Variants in NRXN1 observed in about 807,000 individuals in gnomAD.
NRXN1 encodes neurexin 1, also known as neurexin-1.
In NRXN1, 39 loss-of-function variants were observed where a neutral mutation model predicts 150.9. The ratio of observed to expected loss-of-function variants is 0.26; its 90% CI spans 0.20 to 0.34. NRXN1 has a LOEUF of 0.34. Among genes scored for constraint, NRXN1 ranks in the 10% least tolerant of loss-of-function variants. The pLI, the probability that NRXN1 is intolerant of heterozygous loss-of-function variation, is 1.00. For missense variants in NRXN1, 1,815 were observed against 1,949.9 expected, an observed-to-expected ratio of 0.93 and a Z score of 1.30; for synonymous variants, 924 against 757.0, an observed-to-expected ratio of 1.22 and a Z score of -3.62.
chr2:50,117,145 A>C (rs1437987270), intron 18 of NRXN1, among the ~76,000 whole-genome samples: 1 of 152,176 alleles, frequency 6.6e-6, no homozygotes, highest in African/African-American at 2.4e-5. Context: ...TTTAGACAAG[A>C]AAATCAGAAC....
At chr2:50,238,773 C>T (rs979223672) in intron 17 of NRXN1, among the ~76,000 whole-genome samples, 1 of 151,904 alleles carries the variant, frequency 6.6e-6, no homozygotes, top group African/African-American at 2.4e-5. Flanking sequence ...TTCCAAAGAC[C>T]TCTGCAATAT....
chr2:50,040,818 TATC>T (rs1307957360), intron 21 of NRXN1, among the ~76,000 whole-genome samples: 3 of 152,178 alleles, frequency 2.0e-5, no homozygotes, highest in Admixed American at 2.0e-4. Context: ...CAATTTGAGT[TATC>T]ATCCATTTAA....
chr2:50,301,997 C>A (rs2074194398), intron 17 of NRXN1, among the ~76,000 whole-genome samples: 1 of 151,936 alleles, frequency 6.6e-6, no homozygotes, highest in Non-Finnish European at 1.5e-5. Flanking sequence ...CCCAGCAAAT[C>A]ATTTTTCAGT....
intron 17 of NRXN1, among the ~76,000 whole-genome samples, chr2:50,238,383 C>T (rs1186247112): frequency 6.6e-6 from 1 of 151,964 alleles, no homozygotes; most frequent in Non-Finnish European, 1.5e-5. Flanking sequence ...AGTTGTCAGT[C>T]CCATAATCGA....
chr2:50,026,963 C>A (rs1245157609), intron 21 of NRXN1, among the ~76,000 whole-genome samples: 1 of 134,008 alleles, frequency 7.5e-6, no homozygotes, highest in Admixed American at 8.6e-5. Context: ...TTCACTGAAA[C>A]CTCCGGCTCC....
At chr2:51,013,088 G>C (rs771335596) in intron 2 of NRXN1, among the ~76,000 whole-genome samples, 1 of 152,046 alleles carries the variant, frequency 6.6e-6, no homozygotes, top group Non-Finnish European at 1.5e-5. Flanking sequence ...ACACCTGGTG[G>C]AGGTAGAGTC....
At chr2:51,004,448 T>C (rs908279706) in intron 2 of NRXN1, among the ~76,000 whole-genome samples, 2 of 151,798 alleles carry the variant, frequency 1.3e-5, no homozygotes, top group Non-Finnish European at 2.9e-5. Flanking sequence ...CAGAAAAAAA[T>C]GAATAATTAA....
chr2:49,926,142 A>C (rs10495987), intron 22 of NRXN1: 149,524 of 386,914 alleles, frequency 0.39, 29,673 homozygotes, highest in South Asian at 0.5. Flanking sequence ...TTGGAAGCTA[A>C]TGATTATTCT....
rs184618448 is a variant in NRXN1 at position 50,582,430 on chromosome 2, G to A, written c.1321-29405C>T. 2.0e-3 allele frequency among the ~76,000 whole-genome samples: 270 copies of A among 132,854 alleles called. 3 individuals are homozygous for A. Among genetic ancestry groups the A allele is most frequent in the African/African-American group, 7.0e-3 (237 of 33,788 alleles). The allele number at this position is 132,854 out of a possible 152,430, so 87.2% of individuals were successfully genotyped here. On this transcript the variant is annotated intron_variant, in intron 8 of 22. Transcript: ENST00000401669. ...AGGGAGGCAGAGGTTGCAGTGAGCC[G>A]CGACTGTGCCACTGCACACCAGCCT...
chr2:50,733,957 T>C (rs952789788), intron 5 of NRXN1, among the ~76,000 whole-genome samples: 7 of 152,208 alleles, frequency 4.6e-5, no homozygotes, highest in Non-Finnish European at 1.0e-4. Context: ...GAGATGTTTA[T>C]GTTTCATAGT....
chr2:50,434,148 C>T (rs2085227023), intron 17 of NRXN1, among the ~76,000 whole-genome samples: 1 of 151,126 alleles, frequency 6.6e-6, no homozygotes, highest in African/African-American at 2.4e-5. Flanking sequence ...CAAGCTCCGC[C>T]TCCCGGGTTC....
chr2:50,496,197 C>A, intron 14 of NRXN1, 102 bp from the exon 15 acceptor site: 1 of 824,520 alleles, frequency 1.2e-6, no homozygotes, highest in South Asian at 1.9e-5. Flanking sequence ...GTGGTTCCAT[C>A]CTTACTAGAA....
chr2:50,560,621 G>A (rs1168436057), intron 8 of NRXN1, among the ~76,000 whole-genome samples: 1 of 151,848 alleles, frequency 6.6e-6, no homozygotes, highest in Non-Finnish European at 1.5e-5. Flanking sequence ...TAGTAGAGAC[G>A]GGGTTTCACC....
intron 18 of NRXN1, among the ~76,000 whole-genome samples, chr2:50,155,414 C>T (rs1313523252): frequency 1.4e-5 from 2 of 147,804 alleles, no homozygotes; most frequent in African/African-American, 2.5e-5. Context: ...AAATCTGCTA[C>T]CCAAGAACAA....
chr2:50,580,257 T>C lies in NRXN1; in HGVS notation c.1321-27232A>G, dbSNP rs542225814. Among the ~76,000 whole-genome samples the C allele has an allele frequency of 3.3e-4, 51 of 152,308 alleles. 1 individual carries two copies. The East Asian group carries it at 4.8e-3, about 14-fold the overall frequency. ...CATCCAATGTATGATGCTGGGTCTATTTTTTAATTTTAGCTCCGTTGTTTA... is the reference window on the plus strand; with the variant it reads ...CATCCAATGTATGATGCTGGGTCTACTTTTTAATTTTAGCTCCGTTGTTTA... On this transcript the variant is annotated intron_variant, in intron 8 of 22. Transcript: ENST00000401669.
intron 17 of NRXN1, among the ~76,000 whole-genome samples, chr2:50,387,058 C>G (rs947163217): frequency 6.6e-6 from 1 of 152,036 alleles, no homozygotes; most frequent in Admixed American, 6.6e-5. Context: ...TTAGAGCCAC[C>G]TCAAGTTTCA....
At position 49,978,089 on chromosome 2, in the gene NRXN1, G is replaced by T. The variant is rs372339580; in HGVS notation, c.4129-34298C>A. Among the ~76,000 whole-genome samples, 24 of 152,230 alleles carry T rather than the reference G, an allele frequency of 1.6e-4. No individual in the cohort carries two copies. In the East Asian group the frequency reaches 2.3e-3, roughly 15 times the overall value. ...AGCCAGGAGAATCGCTTGAACCAGGGAGTCAGAGGTTGCAGTGAGCTGAGA... is the reference window on the plus strand; with the variant it reads ...AGCCAGGAGAATCGCTTGAACCAGGTAGTCAGAGGTTGCAGTGAGCTGAGA... On this transcript the variant is annotated intron_variant, in intron 21 of 22. Coordinates refer to ENST00000401669, the MANE Select transcript of NRXN1 (RefSeq NM_001330078.2).
intron 9 of NRXN1, among the ~76,000 whole-genome samples, chr2:50,551,074 AGAGGAGGAG>A (rs1190766975): frequency 4.2e-4 from 46 of 110,774 alleles, no homozygotes; most frequent in African/African-American, 1.5e-3. Context: ...AAGAAGAAGA[AGAGGAGGAG>A]GAGGAGGAGG....
At chr2:50,538,137 C>G in intron 10 of NRXN1, 116 bp downstream of exon 10, 1 of 1,187,704 alleles carries the variant, frequency 8.4e-7, no homozygotes, top group South Asian at 1.8e-5. Context: ...AGCTTGCAAA[C>G]AGAGTTTACT....
Sources: gnomAD v4.1 joint callset for allele counts (sites outside exome capture counted in the v4.1 genomes callset) on GRCh38, gnomAD v4.1.1 for gene constraint, MANE v1.5 for transcripts, NCBI Gene and HGNC (gene_info 2026-07-23, HGNC 2026-07-21) for gene names.